XPNPEP1: variants seen among roughly 807,000 people sequenced by gnomAD.
XPNPEP1 encodes X-prolyl aminopeptidase 1, also known as xaa-Pro aminopeptidase 1.
In XPNPEP1, 39 loss-of-function variants were observed where a neutral mutation model predicts 92.4. The observed-to-expected ratio is 0.42, with a 90% CI of 0.33 to 0.55. The LOEUF is 0.55. XPNPEP1 is among the 20% of genes least tolerant of loss of function. The probability of loss-of-function intolerance (pLI) is 0.08; values close to 1 mark genes in which losing one functional copy is unlikely to be tolerated. For synonymous variants in XPNPEP1, 307 were observed against 299.4 expected (o/e 1.03, Z -0.26); for missense variants, 654 against 856.1 (o/e 0.76, Z 2.95).
At chr10:109,917,618 A>G (rs926635672) in intron 1 of XPNPEP1, among the ~76,000 whole-genome samples, 2 of 152,202 alleles carry the variant, frequency 1.3e-5, no homozygotes, top group Non-Finnish European at 2.9e-5. Context: ...GTTGAAACTG[A>G]CAAGCAGATT....
chr10:109,888,489 C>T lies in XPNPEP1; in HGVS notation c.508+14G>A, dbSNP rs751578233. On this transcript the variant is annotated intron_variant, in intron 6 of 20. Transcript: ENST00000502935. ...ACTTCCTTACCCAAGCAGAAAGGGA[C>T]CAAGCTCACTTACCTGTAGGAATGA... 5.6e-6 allele frequency: 9 copies of T among 1,600,494 alleles called. No individual in the cohort carries two copies. The highest frequency in any genetic ancestry group is 7.7e-6 in the Non-Finnish European group (9 of 1,173,168).
intron 7 of XPNPEP1, 44 bp downstream of exon 7, chr10:109,888,005 G>C (rs775181676): frequency 6.2e-7 from 1 of 1,606,504 alleles, no homozygotes; most frequent in South Asian, 1.1e-5. Flanking sequence ...AGAGGTGGGG[G>C]GACAATGGCA....
At chr10:109,907,900 GC>G (rs1319723022) in intron 2 of XPNPEP1, 85 bp from the exon 3 acceptor site, 7 of 1,568,942 alleles carry the variant, frequency 4.5e-6, no homozygotes, top group Non-Finnish European at 6.0e-6. Context: ...AGAGAGAAGT[GC>G]CTTCTACGTT....
intron 4 of XPNPEP1, chr10:109,892,726 AC>A (rs1848768084): frequency 2.7e-6 from 1 of 372,102 alleles, no homozygotes; most frequent in South Asian, 3.7e-5. Context: ...AATTGATAGA[AC>A]TTTTATATGT....
intron 9 of XPNPEP1, chr10:109,883,746 T>C (rs1848237345): frequency 4.1e-6 from 1 of 244,492 alleles, no homozygotes; most frequent in Non-Finnish European, 7.8e-6. Context: ...ACTGGGTTTA[T>C]TTGCATTGTG....
At chr10:109,906,216 G>A (rs1284396859) in intron 3 of XPNPEP1, among the ~76,000 whole-genome samples, 1 of 152,078 alleles carries the variant, frequency 6.6e-6, no homozygotes, top group Non-Finnish European at 1.5e-5. Context: ...ACGCACACGT[G>A]CACACACACA....
intron 5 of XPNPEP1, among the ~76,000 whole-genome samples, chr10:109,889,414 G>C (rs1848579539): frequency 6.6e-6 from 1 of 152,168 alleles, no homozygotes; most frequent in Admixed American, 6.5e-5. Flanking sequence ...TGTTAGCCAG[G>C]TTGGTCTTGA....
chr10:109,922,367 T>C (rs1271147601), intron 1 of XPNPEP1, among the ~76,000 whole-genome samples: 1 of 152,166 alleles, frequency 6.6e-6, no homozygotes, highest in Non-Finnish European at 1.5e-5. Context: ...AACTCATCAT[T>C]ATCCACTTGC....
At chr10:109,875,857 C>A in intron 14 of XPNPEP1, 1 of 357,976 alleles carries the variant, frequency 2.8e-6, no homozygotes, top group Non-Finnish European at 5.2e-6. Flanking sequence ...TTATGTCTAC[C>A]TCTGTTTGTG....
intron 15 of XPNPEP1, among the ~76,000 whole-genome samples, chr10:109,873,778 A>T (rs963827564): frequency 6.6e-6 from 1 of 152,250 alleles, no homozygotes; most frequent in South Asian, 2.1e-4. Flanking sequence ...GATTATCCAC[A>T]CAGTGCAATA....
Position 109,877,770 on chromosome 10 carries a change from T to C in XPNPEP1, c.1319+20A>G, listed in dbSNP as rs944397420. On this transcript the variant is annotated intron_variant, in intron 14 of 20. Transcript: ENST00000502935. The stretch of plus-strand genomic sequence containing the variant: ...GCAGAAGCAGCAAGGCCAGGCAGCA[T>C]GCTCCTCCGCATGCCTTACGCGTAG... The C allele has an allele frequency of 4.3e-6, 7 of 1,614,054 alleles. No individual in the cohort carries two copies. Among genetic ancestry groups the C allele is most frequent in the African/African-American group, 1.3e-5 (1 of 74,948 alleles).
intron 3 of XPNPEP1, among the ~76,000 whole-genome samples, chr10:109,901,747 G>A (rs774764946): frequency 2.0e-5 from 3 of 152,196 alleles, no homozygotes; most frequent in Non-Finnish European, 4.4e-5. Context: ...AGTATGTTTA[G>A]AACAACTTGG....
At chr10:109,880,987 C>A in intron 10 of XPNPEP1, 56 bp from the exon 11 acceptor site, 1 of 1,523,096 alleles carries the variant, frequency 6.6e-7, no homozygotes, top group Non-Finnish European at 9.0e-7. Flanking sequence ...CACCCAAGAC[C>A]AAGGCAACAA....
intron 4 of XPNPEP1, among the ~76,000 whole-genome samples, chr10:109,892,045 C>T (rs1038740616): frequency 6.6e-6 from 1 of 152,166 alleles, no homozygotes; most frequent in Admixed American, 6.5e-5. Context: ...GAGACCCAAG[C>T]TACCTGGCAC....
intron 17 of XPNPEP1, 124 bp downstream of exon 17, chr10:109,871,668 C>T: frequency 9.1e-7 from 1 of 1,101,106 alleles, no homozygotes; most frequent in Non-Finnish European, 1.3e-6. Flanking sequence ...GAGCACCTGG[C>T]TGGGCCTGAA....
At chr10:109,872,779 G>A (rs965375092) in intron 16 of XPNPEP1, among the ~76,000 whole-genome samples, 5 of 152,332 alleles carry the variant, frequency 3.3e-5, no homozygotes, top group African/African-American at 1.2e-4. Flanking sequence ...ACCCGGGAAG[G>A]TGGGTCCTTT....
chr10:109,922,903 A>G (rs2419312), intron 1 of XPNPEP1, among the ~76,000 whole-genome samples: 149,764 of 152,358 alleles, frequency 0.98, 73,655 homozygotes, highest in East Asian at 1. Flanking sequence ...CCATTTGGGT[A>G]GGGAGGGGCC....
At position 109,875,859 on chromosome 10, in the gene XPNPEP1, CTG is replaced by C. The variant is rs372918819; in HGVS notation, c.1320-262_1320-261del. Reference sequence around the variant, plus strand: ...GTAACACATTTCTTTATGTCTACCTCTGTTTGTGTCTGAAACAAAATAGGTGT... The same window carrying C: ...GTAACACATTTCTTTATGTCTACCTCTTTGTGTCTGAAACAAAATAGGTGT... On this transcript the variant is annotated intron_variant, in intron 14 of 20. Transcript: ENST00000502935. The C allele has an allele frequency of 2.0e-4, 70 of 345,310 alleles. 1 individual carries two copies. Among genetic ancestry groups the C allele is most frequent in the African/African-American group, 1.4e-3 (66 of 47,732 alleles). 21.4% of individuals were successfully genotyped at this position (345,310 alleles called of 1,614,324 possible). A position where few individuals can be genotyped will look rare whatever the true frequency, so the allele number is the denominator to read the frequency against.
intron 5 of XPNPEP1, chr10:109,891,496 A>G (rs1241716386): frequency 2.5e-6 from 1 of 400,428 alleles, no homozygotes; most frequent in Non-Finnish European, 4.4e-6. Flanking sequence ...TCTAGCCCTC[A>G]GTTTCCCCTC....
Sources: allele counts gnomAD v4.1 joint callset (sites outside exome capture counted in the v4.1 genomes callset), GRCh38; gene constraint gnomAD v4.1.1; transcripts MANE v1.5; gene names NCBI Gene and HGNC (gene_info 2026-07-23, HGNC 2026-07-21).